SCRN3: variants seen among roughly 807,000 people sequenced by gnomAD.
The protein encoded by SCRN3 is secernin 3.
A neutral mutation model predicts 43.1 loss-of-function variants in SCRN3; 39 were observed. The observed-to-expected ratio is 0.91, with a 90% CI of 0.70 to 1.18. The LOEUF (loss-of-function observed/expected upper bound fraction) is 1.18. Among genes scored for constraint, SCRN3 ranks in the 50% most tolerant of loss-of-function variants. SCRN3 has a pLI of 0.00. For missense variants in SCRN3, 484 were observed against 498.0 expected, an observed-to-expected ratio of 0.97 and a Z score of 0.27; for synonymous variants, 147 against 163.1, an observed-to-expected ratio of 0.90 and a Z score of 0.75.
chr2:174,406,117 A>G (rs1574651702), intron 5 of SCRN3, among the ~76,000 whole-genome samples: 1 of 138,066 alleles, frequency 7.2e-6, no homozygotes, highest in Non-Finnish European at 1.6e-5. Flanking sequence ...ATTTGTTTGT[A>G]TCCTCTTTTA....
At chr2:174,401,732 A>C (rs1413750710) in intron 4 of SCRN3, among the ~76,000 whole-genome samples, 1 of 152,202 alleles carries the variant, frequency 6.6e-6, no homozygotes, top group Non-Finnish European at 1.5e-5. Context: ...CTAATTTTTC[A>C]AGTGAGGAAA....
At chr2:174,422,339 G>A (rs765900633) in intron 5 of SCRN3, among the ~76,000 whole-genome samples, 3 of 152,156 alleles carry the variant, frequency 2.0e-5, no homozygotes, top group Non-Finnish European at 2.9e-5. Flanking sequence ...TCGGGAGGCC[G>A]AGCTGGGGAG....
At chr2:174,415,606 T>C (rs13006417) in intron 5 of SCRN3, among the ~76,000 whole-genome samples, 29,625 of 152,136 alleles carry the variant, frequency 0.19, 3,378 homozygotes, top group Middle Eastern at 0.38. Flanking sequence ...AAAAATGTGA[T>C]TAATATACCC....
chr2:174,414,961 C>G (rs1001533087), intron 5 of SCRN3, among the ~76,000 whole-genome samples: 2 of 152,130 alleles, frequency 1.3e-5, no homozygotes, highest in Non-Finnish European at 2.9e-5. Flanking sequence ...ATGGGTTTCA[C>G]CGTGTTGGCC....
intron 5 of SCRN3, among the ~76,000 whole-genome samples, chr2:174,408,472 T>C (rs1237061750): frequency 6.7e-6 from 1 of 148,778 alleles, no homozygotes; most frequent in African/African-American, 2.4e-5. Context: ...AAAGTTAATA[T>C]TGTTATGTGT....
chr2:174,429,531 G>A lies in SCRN3; in HGVS notation c.*1636G>A, dbSNP rs933716638. 2 of 152,060 alleles carry A rather than the reference G, an allele frequency of 1.3e-5. No individual in the cohort carries two copies. The highest frequency in any genetic ancestry group is 4.8e-5 in the African/African-American group (2 of 41,384). The allele number at this position is 152,060 out of a possible 1,614,324, so 9.4% of individuals were successfully genotyped here. ...ACAGAAAGTACAGAGTTCCAATACA[G>A]CCCCTATCAGCATACATGCATAGCC... On this transcript the variant is annotated 3_prime_UTR_variant, in exon 8 of 8. Coordinates refer to ENST00000272732, the MANE Select transcript of SCRN3 (RefSeq NM_024583.5).
chr2:174,428,507 G>A lies in SCRN3; in HGVS notation c.*612G>A, dbSNP rs1686565254. ...GCTCTGATTATCTAGCATTTTTAGGGTCATTCTCCTTAATAGGCTTTTATG... is the reference window on the plus strand; with the variant it reads ...GCTCTGATTATCTAGCATTTTTAGGATCATTCTCCTTAATAGGCTTTTATG... On this transcript the variant is annotated 3_prime_UTR_variant, in exon 8 of 8. Coordinates refer to ENST00000272732, the MANE Select transcript of SCRN3 (RefSeq NM_024583.5). 6.6e-6 allele frequency: 1 copy of A among 152,494 alleles called. No individual in the cohort carries two copies. Among genetic ancestry groups the A allele is most frequent in the Non-Finnish European group, 1.5e-5 (1 of 68,016 alleles). The allele number at this position is 152,494 out of a possible 1,614,324, so 9.4% of individuals were successfully genotyped here. A position where few individuals can be genotyped will look rare whatever the true frequency, so the allele number is the denominator to read the frequency against.
intron 6 of SCRN3, among the ~76,000 whole-genome samples, chr2:174,423,271 CCTT>C (rs1257341243): frequency 4.6e-5 from 7 of 152,252 alleles, no homozygotes; most frequent in Admixed American, 2.0e-4. Context: ...TATCCCTACT[CCTT>C]CTTCGTACAA....
rs573322180 is a variant in SCRN3 at position 174,405,670 on chromosome 2, A to G, written c.754+1355A>G. The stretch of plus-strand genomic sequence containing the variant: ...GGGAGGGATCCAGTTTCAGCTTCCT[A>G]CATATGGCTAGCCAGTTTTCCCAGC... On this transcript the variant is annotated intron_variant, in intron 5 of 7. Coordinates refer to ENST00000272732, the MANE Select transcript of SCRN3 (RefSeq NM_024583.5). Among the ~76,000 whole-genome samples, 63 of 146,698 alleles carry G rather than the reference A, an allele frequency of 4.3e-4. 1 individual carries two copies. The South Asian group carries it at 5.6e-3, about 13-fold the overall frequency.
At chr2:174,396,307 A>G in intron 1 of SCRN3, 1 of 987,158 alleles carries the variant, frequency 1.0e-6, no homozygotes, top group Non-Finnish European at 1.2e-6. Context: ...AAATCTCTCA[A>G]GGCTTCACCT....
chr2:174,398,233 A>T, intron 1 of SCRN3, 42 bp from the exon 2 acceptor site: 1 of 1,264,834 alleles, frequency 7.9e-7, no homozygotes, highest in Non-Finnish European at 1.1e-6. Flanking sequence ...TTATATACTT[A>T]AAAGTGTTCT....
At chr2:174,409,278 C>A (rs1574654931) in intron 5 of SCRN3, among the ~76,000 whole-genome samples, 3 of 139,088 alleles carry the variant, frequency 2.2e-5, no homozygotes, top group Admixed American at 1.4e-4. Context: ...GCATTCTTCA[C>A]GTAGTTCTCG....
chr2:174,419,402 C>T (rs1019684935), intron 5 of SCRN3, among the ~76,000 whole-genome samples: 1 of 152,176 alleles, frequency 6.6e-6, no homozygotes, highest in African/African-American at 2.4e-5. Context: ...GAGTGATTGA[C>T]AGGGTCTTGC....
intron 5 of SCRN3, among the ~76,000 whole-genome samples, chr2:174,415,832 C>G (rs1686086255): frequency 6.6e-6 from 1 of 151,964 alleles, no homozygotes; most frequent in East Asian, 1.9e-4. Flanking sequence ...TTTTGTAGAG[C>G]TAGGGTTTCA....
intron 3 of SCRN3, 28 bp from the exon 4 acceptor site, chr2:174,400,962 A>G (rs1685487767): frequency 1.3e-6 from 2 of 1,483,172 alleles, no homozygotes; most frequent in Non-Finnish European, 9.1e-7. Flanking sequence ...ATTTATTTTA[A>G]TATGAGAACT....
Position 174,398,456 on chromosome 2 carries a change from A to C in SCRN3, c.159+14A>C. On this transcript the variant is annotated intron_variant, in intron 2 of 7. Coordinates refer to ENST00000272732, the MANE Select transcript of SCRN3 (RefSeq NM_024583.5). The stretch of plus-strand genomic sequence containing the variant: ...GAACGTCTTAAGGTAGGTGAAATAA[A>C]TGTTTTGTTAGCAATATGCCTTTTA... The C allele has an allele frequency of 6.3e-7, 1 of 1,579,968 alleles. No homozygotes were observed. The highest frequency in any genetic ancestry group is 8.6e-7 in the Non-Finnish European group (1 of 1,169,122).
chr2:174,421,589 G>A (rs1026200993), intron 5 of SCRN3, among the ~76,000 whole-genome samples: 16 of 152,168 alleles, frequency 1.1e-4, no homozygotes, highest in African/African-American at 3.9e-4. Flanking sequence ...CTCCCTGACA[G>A]CCTGGCCCAG....
chr2:174,429,854 A>G (rs1032556711), downstream of SCRN3, among the ~76,000 whole-genome samples: 2 of 152,040 alleles, frequency 1.3e-5, no homozygotes, highest in African/African-American at 4.8e-5. Flanking sequence ...TCCATATGTC[A>G]TATCATTGGA....
At chr2:174,403,334 A>G (rs1355027594) in intron 4 of SCRN3, among the ~76,000 whole-genome samples, 1 of 152,064 alleles carries the variant, frequency 6.6e-6, no homozygotes, top group Non-Finnish European at 1.5e-5. Flanking sequence ...TGCAACTACC[A>G]TACAACTTAG....
Sources: gnomAD v4.1 joint callset for allele counts (sites outside exome capture counted in the v4.1 genomes callset) on GRCh38, gnomAD v4.1.1 for gene constraint, MANE v1.5 for transcripts, NCBI Gene and HGNC (gene_info 2026-07-23, HGNC 2026-07-21) for gene names.